The following KCNC4 variants were observed in gnomAD, a reference collection of about 807,000 sequenced individuals.
KCNC4 encodes potassium voltage-gated channel subfamily C member 4, also known as voltage-gated potassium channel KCNC4.
Under a neutral mutation model 42.8 loss-of-function variants are expected in KCNC4, and 23 were observed. That is an observed-to-expected ratio of 0.54 (90% confidence interval 0.39 to 0.76). The LOEUF is 0.76. KCNC4 is among the 30% of genes least tolerant of loss of function. The pLI is 0.00. For missense variants in KCNC4, 751 were observed against 898.2 expected (o/e 0.84, Z 2.10); for synonymous variants, 422 against 393.5 (o/e 1.07, Z -0.86).
intron 1 of KCNC4, among the ~76,000 whole-genome samples, chr1:110,281,188 A>G (rs1659815893): frequency 6.6e-6 from 1 of 152,132 alleles, no homozygotes; most frequent in African/African-American, 2.4e-5. Context: ...CAATCATTTT[A>G]AGGTGCTTGG....
downstream of KCNC4, among the ~76,000 whole-genome samples, chr1:110,253,603 G>A (rs1462213027): frequency 7.9e-5 from 12 of 152,170 alleles, no homozygotes; most frequent in East Asian, 1.9e-4. Flanking sequence ...TGGGAGACCC[G>A]GACCAGGACC....
intron 1 of KCNC4, among the ~76,000 whole-genome samples, chr1:110,213,206 G>A (rs1176570777): frequency 8.1e-6 from 1 of 123,834 alleles, no homozygotes; most frequent in African/African-American, 3.1e-5. Flanking sequence ...AATCCCTGAA[G>A]GATGGCTTTA....
chr1:110,257,090 A>G (rs1659344885), intron 1 of KCNC4, among the ~76,000 whole-genome samples: 1 of 152,226 alleles, frequency 6.6e-6, no homozygotes, highest in South Asian at 2.1e-4. Flanking sequence ...TCTGTTTTTG[A>G]ATATGTATAA....
intron 1 of KCNC4, among the ~76,000 whole-genome samples, chr1:110,270,741 C>T (rs1272026908): frequency 6.6e-6 from 1 of 152,188 alleles, no homozygotes; most frequent in South Asian, 2.1e-4. Flanking sequence ...GTGGGCCTGG[C>T]TCTTCTCACC....
intron 1 of KCNC4, among the ~76,000 whole-genome samples, chr1:110,268,373 C>T (rs1251307580): frequency 6.6e-6 from 1 of 152,036 alleles, no homozygotes; most frequent in Non-Finnish European, 1.5e-5. Flanking sequence ...TTTGGGAGGC[C>T]GAGGCGGGCA....
intron 1 of KCNC4, among the ~76,000 whole-genome samples, chr1:110,279,206 T>C (rs974992434): frequency 3.3e-5 from 5 of 152,188 alleles, no homozygotes; most frequent in African/African-American, 1.2e-4. Flanking sequence ...CCTTTCCCCA[T>C]TGAGCTGGAG....
downstream of KCNC4, among the ~76,000 whole-genome samples, chr1:110,250,175 C>G (rs950817101): frequency 2.6e-5 from 4 of 152,146 alleles, no homozygotes; most frequent in African/African-American, 7.2e-5. Context: ...TCCCTCCTCC[C>G]ACATGACCAG....
intron 1 of KCNC4, among the ~76,000 whole-genome samples, chr1:110,278,206 AAAAG>A (rs1659757476): frequency 6.6e-6 from 1 of 152,160 alleles, no homozygotes; most frequent in African/African-American, 2.4e-5. Context: ...GAGGAAAAAA[AAAAG>A]AGAATTCTCC....
exon 4 of KCNC4, chr1:110,248,736 T>A (rs899098721): frequency 6.6e-6 from 1 of 152,246 alleles, no homozygotes; most frequent in African/African-American, 2.4e-5. Flanking sequence ...TTGACATATC[T>A]CTGTCTCCTG....
intron 1 of KCNC4, among the ~76,000 whole-genome samples, chr1:110,257,720 C>CAAAAAAAAAAAAAA (rs56333861): frequency 7.7e-5 from 7 of 90,972 alleles, no homozygotes; most frequent in African/African-American, 2.5e-4. Context: ...GACTCCGTCT[C>CAAAAAAAAAAAAAA]AAAAAAAAAA....
At chr1:110,274,223 A>G (rs1659680719) in intron 1 of KCNC4, among the ~76,000 whole-genome samples, 1 of 152,230 alleles carries the variant, frequency 6.6e-6, no homozygotes, top group Non-Finnish European at 1.5e-5. Context: ...CAAATCCAGA[A>G]CACAATCCCA....
Position 110,232,889 on chromosome 1 carries a change from C to T in KCNC4, c.1820-22C>T, listed in dbSNP as rs568057553. 2.3e-5 allele frequency: 37 copies of T among 1,606,046 alleles called. No homozygotes were observed. The Admixed American group carries it at 3.7e-4, about 16-fold the overall frequency. ...CGAAAGCGTGCGTCCCAGTGTCTCACACCTGTGCTCTTTAAACACAGAGAC... is the reference window on the plus strand; with the variant it reads ...CGAAAGCGTGCGTCCCAGTGTCTCATACCTGTGCTCTTTAAACACAGAGAC... On this transcript the variant is annotated intron_variant, in intron 3 of 3. Coordinates refer to ENST00000438661, the MANE Select transcript of KCNC4 (RefSeq NM_001039574.3).
At chr1:110,268,489 C>A (rs1436292547) in intron 1 of KCNC4, among the ~76,000 whole-genome samples, 1 of 151,510 alleles carries the variant, frequency 6.6e-6, no homozygotes, top group African/African-American at 2.4e-5. Flanking sequence ...GCCTGTAGTG[C>A]CAGCTACTCC....
rs1658205338 is a variant in KCNC4 at position 110,223,272 on chromosome 1, G to A, written c.987G>A (p.Val329=). The change falls in exon 2 of 4, where the codon GTG becomes GTA. Residue 329 remains valine (V), a synonymous_variant. Coordinates refer to ENST00000438661, the MANE Select transcript of KCNC4 (RefSeq NM_001039574.3). The surrounding 1 kb of genome is among the most constrained non-coding windows in gnomAD (Gnocchi z 7.5). The stretch of plus-strand genomic sequence containing the variant: ...CCATCCTGCCCTTCTACCTGGAGGT[G>A]GGGCTGAGCGGCCTGTCATCCAAGG... ...FVAILPFYLE[V]GLSGLSSKAA... is the part of the protein sequence containing the mutation. 6.2e-7 allele frequency: 1 copy of A among 1,614,242 alleles called. No homozygotes were observed. The highest frequency in any genetic ancestry group is 8.5e-7 in the Non-Finnish European group (1 of 1,180,044).
At chr1:110,235,886 C>T (rs1448419784), downstream of KCNC4, 2 of 152,252 alleles carry the variant, frequency 1.3e-5, no homozygotes, top group Non-Finnish European at 2.9e-5. Context: ...GGGCAAGTTA[C>T]TCAGCCTCTG....
chr1:110,225,875 G>T (rs950849693), intron 2 of KCNC4, 100 bp from the exon 3 acceptor site: 2 of 1,163,862 alleles, frequency 1.7e-6, no homozygotes, highest in African/African-American at 3.1e-5. Context: ...CCCTCCCAAG[G>T]TTGAGGAAGT....
intron 1 of KCNC4, among the ~76,000 whole-genome samples, chr1:110,269,439 T>G (rs1197421759): frequency 6.6e-6 from 1 of 152,150 alleles, no homozygotes; most frequent in African/African-American, 2.4e-5. Flanking sequence ...AAATCTGGAG[T>G]CTGGCTTCTT....
At chr1:110,254,094 G>GA (rs1553216653), downstream of KCNC4, among the ~76,000 whole-genome samples, 5 of 131,040 alleles carry the variant, frequency 3.8e-5, no homozygotes, top group South Asian at 2.4e-4. Context: ...AGAAGTCGGG[G>GA]GGGGGGCGGC....
intron 1 of KCNC4, among the ~76,000 whole-genome samples, chr1:110,271,873 G>C (rs746009637): frequency 1.3e-5 from 2 of 152,100 alleles, no homozygotes; most frequent in Non-Finnish European, 2.9e-5. Context: ...AAGAGGAGGA[G>C]GAGGAGGCTC....
Sources: allele counts gnomAD v4.1 joint callset (sites outside exome capture counted in the v4.1 genomes callset), GRCh38; gene constraint gnomAD v4.1.1; non-coding constraint Gnocchi (gnomAD v3.1); transcripts MANE v1.5; gene names NCBI Gene and HGNC (gene_info 2026-07-23, HGNC 2026-07-21).